The following BLTP1 variants were observed in gnomAD, a reference collection of about 807,000 sequenced individuals.
The protein encoded by BLTP1 is bridge-like lipid transfer protein family member 1.
chr4:122,295,119 G>T, the BLTP1 span, among the ~76,000 whole-genome samples: 275 of 152,250 alleles, frequency 1.8e-3, 2 homozygotes, highest in African/African-American at 6.2e-3. Context: ...TATTTAAAAA[G>T]ACCAAACCTA....
the BLTP1 span, chr4:122,226,347 A>G: frequency 1.6e-5 from 16 of 989,108 alleles, no homozygotes; most frequent in African/African-American, 2.6e-4. Flanking sequence ...TTGGTTTATG[A>G]TTGGAGAATT....
At chr4:122,259,037 G>A in the BLTP1 span, among the ~76,000 whole-genome samples, 3 of 152,212 alleles carry the variant, frequency 2.0e-5, no homozygotes, top group South Asian at 6.2e-4. Context: ...GTTGATTAAG[G>A]ACCACTATAA....
the BLTP1 span, among the ~76,000 whole-genome samples, chr4:122,326,226 A>C: frequency 6.6e-6 from 1 of 151,776 alleles, no homozygotes; most frequent in Non-Finnish European, 1.5e-5. Flanking sequence ...TTCAACTACA[A>C]AATGAATTTT....
the BLTP1 span, chr4:122,279,606 G>T: frequency 7.2e-6 from 2 of 277,728 alleles, no homozygotes. Context: ...GTTTATTTTG[G>T]TGCAAAATAA....
At chr4:122,308,308 C>T in the BLTP1 span, 9 of 845,994 alleles carry the variant, frequency 1.1e-5, no homozygotes, top group South Asian at 3.5e-5. Flanking sequence ...TTCCTTCAAC[C>T]ATTACTCATC....
chr4:122,208,895 CA>C, the BLTP1 span, among the ~76,000 whole-genome samples: 1 of 149,760 alleles, frequency 6.7e-6, no homozygotes, highest in South Asian at 2.1e-4. Flanking sequence ...CAAAAAACAG[CA>C]CATTCCTCTA....
the BLTP1 span, among the ~76,000 whole-genome samples, chr4:122,263,783 CT>C: frequency 6.6e-6 from 1 of 152,058 alleles, no homozygotes; most frequent in Non-Finnish European, 1.5e-5. Flanking sequence ...ACTCAGTGTT[CT>C]TGTTGAAAGG....
chr4:122,191,831 C>T, the BLTP1 span, among the ~76,000 whole-genome samples: 171 of 152,190 alleles, frequency 1.1e-3, no homozygotes, highest in African/African-American at 3.7e-3. Context: ...GAGAATCCAC[C>T]TGTTTTCTAT....
chr4:122,244,990 A>C, the BLTP1 span: 7 of 1,601,646 alleles, frequency 4.4e-6, no homozygotes, highest in Non-Finnish European at 6.0e-6. Flanking sequence ...ACGACATTTA[A>C]ATATTTCATT....
At chr4:122,340,501 T>C in the BLTP1 span, among the ~76,000 whole-genome samples, 1 of 152,126 alleles carries the variant, frequency 6.6e-6, no homozygotes, top group South Asian at 2.1e-4. Context: ...TATTACAAAC[T>C]GGCTTGTGAG....
the BLTP1 span, chr4:122,315,365 G>T: frequency 3.4e-6 from 5 of 1,482,552 alleles, no homozygotes; most frequent in Non-Finnish European, 2.8e-6. Flanking sequence ...AGCAGTGAAA[G>T]ACATTAGTTA....
the BLTP1 span, among the ~76,000 whole-genome samples, chr4:122,345,597 G>A: frequency 7.1e-3 from 1,071 of 151,728 alleles, 7 homozygotes; most frequent in African/African-American, 0.024. Context: ...CCTGATTGTG[G>A]AGGGACTCAT....
chr4:122,223,051 C>T, the BLTP1 span: 1 of 818,770 alleles, frequency 1.2e-6, no homozygotes, highest in Non-Finnish European at 1.5e-6. Flanking sequence ...CTTGACCACT[C>T]TCCCCAGTTC....
the BLTP1 span, among the ~76,000 whole-genome samples, chr4:122,178,829 G>T: frequency 6.6e-6 from 1 of 152,034 alleles, no homozygotes. Flanking sequence ...CTAGTACATA[G>T]AAGATGTTGA....
the BLTP1 span, chr4:122,196,526 A>C: frequency 1.2e-6 from 1 of 854,562 alleles, no homozygotes; most frequent in Non-Finnish European, 1.8e-6. Context: ...TCTAATTGTC[A>C]AATGTGATAG....
the BLTP1 span, chr4:122,308,018 A>G: frequency 6.2e-7 from 1 of 1,613,500 alleles, no homozygotes; most frequent in Non-Finnish European, 8.5e-7. Flanking sequence ...GCTTTACATA[A>G]GGATATTCAT....
chr4:122,258,854 G>C, the BLTP1 span: 14 of 1,565,420 alleles, frequency 8.9e-6, no homozygotes, highest in Middle Eastern at 1.7e-4. Flanking sequence ...GTATATTATT[G>C]CTCTTTTTGG....
the BLTP1 span, chr4:122,154,280 A>G: frequency 4.2e-6 from 4 of 957,976 alleles, no homozygotes; most frequent in African/African-American, 1.9e-5. Context: ...GGTTCACGCC[A>G]TTCTCCTGCC....
At chr4:122,264,939 A>G in the BLTP1 span, among the ~76,000 whole-genome samples, 792 of 152,348 alleles carry the variant, frequency 5.2e-3, 11 homozygotes, top group African/African-American at 0.017. Context: ...TGGCTTTGAA[A>G]AGGTAAATGA....
Sources: gnomAD v4.1 joint callset for allele counts (sites outside exome capture counted in the v4.1 genomes callset) on GRCh38, gnomAD v4.1.1 for gene constraint, MANE v1.5 for transcripts, NCBI Gene and HGNC (gene_info 2026-07-23, HGNC 2026-07-21) for gene names.